Variants in AFF2 observed in about 807,000 individuals in gnomAD.
AFF2 encodes AF4/FMR2 family member 2.
AFF2 carries 14 observed loss-of-function variants against 76.9 expected under a neutral mutation model. The ratio of observed to expected loss-of-function variants is 0.18; its 90% CI spans 0.12 to 0.28. The LOEUF (loss-of-function observed/expected upper bound fraction) is 0.28, where lower values mean the gene tolerates loss of function less well. AFF2 is among the 10% of genes least tolerant of loss of function. The pLI is 1.00. For missense variants in AFF2, 868 were observed against 1,001.1 expected, an observed-to-expected ratio of 0.87 and a Z score of 1.79; for synonymous variants, 398 against 366.7, an observed-to-expected ratio of 1.09 and a Z score of -0.98.
At position 148,842,971 on chromosome X, in the gene AFF2, G is replaced by A. The variant is rs149177157; in HGVS notation, c.1179G>A (p.Ser393=). The change falls in exon 6 of 21, where the codon TCG becomes TCA. Residue 393 remains serine (S), a synonymous_variant. Coordinates refer to ENST00000370460, the MANE Select transcript of AFF2 (RefSeq NM_002025.4). Reference sequence around the variant, plus strand: ...ATATATATTATTCCTTATAGGAATCGCAGCATCTGACCCCAGGATTCACCT... The same window carrying A: ...ATATATATTATTCCTTATAGGAATCACAGCATCTGACCCCAGGATTCACCT... ...QSTFSIPGQE[S]QHLTPGFTLQ... is the part of the protein sequence containing the mutation. The A allele has an allele frequency of 1.5e-5, 18 of 1,199,358 alleles. No individual in the cohort carries two copies. The African/African-American group carries it at 1.9e-4, about 13-fold the overall frequency.
chrX:148,765,432 C>T (rs976816154), intron 3 of AFF2, among the ~76,000 whole-genome samples: 8 of 111,621 alleles, frequency 7.2e-5, no homozygotes, highest in Non-Finnish European at 3.8e-5. Flanking sequence ...CTTGGAACTG[C>T]ATGAGTTTCT....
At chrX:148,723,925 T>TC (rs1434847010) in intron 3 of AFF2, among the ~76,000 whole-genome samples, 27 of 106,029 alleles carry the variant, frequency 2.5e-4, no homozygotes, top group African/African-American at 8.9e-4. Flanking sequence ...TTTTCTTTTT[T>TC]TTTTTTTTTG....
At position 148,614,713 on chromosome X, in the gene AFF2, C is replaced by CTT. The variant is rs1474365917; in HGVS notation, c.48-37284_48-37283dup. Among the ~76,000 whole-genome samples the CTT allele has an allele frequency of 5.1e-3, 190 of 37,460 alleles. 4 individuals carry two copies. Among genetic ancestry groups the CTT allele is most frequent in the African/African-American group, 0.031 (186 of 6,048 alleles). 32.5% of individuals were successfully genotyped at this position (37,460 alleles called of 115,157 possible). A position where few individuals can be genotyped will look rare whatever the true frequency, so the allele number is the denominator to read the frequency against. On this transcript the variant is annotated intron_variant, in intron 1 of 20. Transcript: ENST00000370460. Reference sequence around the variant, plus strand: ...CTTTCTTTTCTTTCTTTCTTTCTTTCTTTCTTTCTTTCTTTCTTTCCTTCT... The same window carrying CTT: ...CTTTCTTTTCTTTCTTTCTTTCTTTCTTTTTCTTTCTTTCTTTCTTTCCTTCT...
chrX:148,826,139 G>T (rs1015436735), intron 4 of AFF2, among the ~76,000 whole-genome samples: 1 of 104,702 alleles, frequency 9.6e-6, no homozygotes, highest in Non-Finnish European at 1.9e-5. Context: ...CCAAAAAGAT[G>T]TTTTAGGCCA....
At chrX:148,683,888 T>TG (rs1557260135) in intron 3 of AFF2, among the ~76,000 whole-genome samples, 1 of 111,838 alleles carries the variant, frequency 8.9e-6, no homozygotes, top group African/African-American at 3.3e-5. Context: ...TTTGGAGGCT[T>TG]GGGGAACTAT....
chrX:148,776,053 C>T (rs142895105), intron 3 of AFF2, among the ~76,000 whole-genome samples: 521 of 110,447 alleles, frequency 4.7e-3, no homozygotes, highest in Non-Finnish European at 7.5e-3. Context: ...TGGCCCCCTC[C>T]CTGTGTCCAT....
At chrX:148,639,974 G>A (rs1284207119) in intron 1 of AFF2, among the ~76,000 whole-genome samples, 1 of 112,293 alleles carries the variant, frequency 8.9e-6, no homozygotes, top group Non-Finnish European at 1.9e-5. Context: ...GAGCTGCTAT[G>A]TCATCAATGA....
chrX:148,900,298 T>G (rs5980604), intron 8 of AFF2, among the ~76,000 whole-genome samples: 1 of 109,594 alleles, frequency 9.1e-6, no homozygotes, highest in African/African-American at 3.3e-5. Flanking sequence ...GATATGGTTT[T>G]TGTAATTCAA....
In AFF2 at chrX:148,500,637, T is replaced by TGCCGCCGCCGCCGCCGCCGCCGCC. The variant is rs193922937; in HGVS notation, c.-437_-414dup. The TGCCGCCGCCGCCGCCGCCGCCGCC allele has an allele frequency of 0.012, 890 of 73,729 alleles. 36 individuals are homozygous for TGCCGCCGCCGCCGCCGCCGCCGCC. The highest frequency in any genetic ancestry group is 0.013 in the Admixed American group (90 of 6,672). 6.1% of individuals were successfully genotyped at this position (73,729 alleles called of 1,213,427 possible). A position where few individuals can be genotyped will look rare whatever the true frequency, so the allele number is the denominator to read the frequency against. ...CCGCCGCCGCCGCCTGTGCAGCCGC[T>TGCCGCCGCCGCCGCCGCCGCCGCC]GCCGCCGCCGCCGCCGCCGCCGCCG... On this transcript the variant is annotated 5_prime_UTR_variant, in exon 1 of 21. Coordinates refer to ENST00000370460, the MANE Select transcript of AFF2 (RefSeq NM_002025.4).
chrX:148,982,371 G>A (rs1476174734), intron 19 of AFF2, among the ~76,000 whole-genome samples: 1 of 112,013 alleles, frequency 8.9e-6, no homozygotes, highest in African/African-American at 3.2e-5. Context: ...GGGACAGAAA[G>A]CTGAATTTGA....
Position 148,649,987 on chromosome X carries a change from G to A in AFF2, c.48-2012G>A, listed in dbSNP as rs183781678. On this transcript the variant is annotated intron_variant, in intron 1 of 20. Transcript: ENST00000370460. ...GGAAAAGACTTTGGTTCTTGTTTGTGTGTAGATACTAATCTGCTATGGAAA... is the reference window on the plus strand; with the variant it reads ...GGAAAAGACTTTGGTTCTTGTTTGTATGTAGATACTAATCTGCTATGGAAA... Among the ~76,000 whole-genome samples, 338 of 111,545 alleles carry A rather than the reference G, an allele frequency of 3.0e-3. 1 individual carries two copies. The highest frequency in any genetic ancestry group is 0.011 in the African/African-American group (327 of 30,668).
chrX:148,783,352 A>AT (rs782499925), intron 3 of AFF2, among the ~76,000 whole-genome samples: 2,425 of 108,243 alleles, frequency 0.022, 66 homozygotes, highest in African/African-American at 0.075. Context: ...GGAAACAACC[A>AT]TTTTTTTTTT....
At chrX:148,743,515 T>G (rs1440583456) in intron 3 of AFF2, among the ~76,000 whole-genome samples, 3 of 111,960 alleles carry the variant, frequency 2.7e-5, no homozygotes, top group African/African-American at 9.7e-5. Flanking sequence ...CATTCGGTAA[T>G]GATATTTAAA....
chrX:148,735,923 C>CA, intron 3 of AFF2, among the ~76,000 whole-genome samples: 1 of 111,917 alleles, frequency 8.9e-6, no homozygotes, highest in Non-Finnish European at 1.9e-5. Flanking sequence ...CAGTCTCATC[C>CA]AGATCAGTGC....
chrX:148,732,440 G>T (rs1193691780), intron 3 of AFF2, among the ~76,000 whole-genome samples: 1 of 64,876 alleles, frequency 1.5e-5, no homozygotes. Flanking sequence ...TGGGGGGAGG[G>T]GGGAGGGGTA....
intron 9 of AFF2, among the ~76,000 whole-genome samples, chrX:148,945,838 A>C (rs1343678496): frequency 8.9e-6 from 1 of 112,418 alleles, no homozygotes; most frequent in Non-Finnish European, 1.9e-5. Flanking sequence ...AAAGCAGATC[A>C]TCTGACTTCC....
chrX:148,863,449 C>T (rs1254609237), intron 7 of AFF2, among the ~76,000 whole-genome samples: 2 of 111,823 alleles, frequency 1.8e-5, no homozygotes, highest in Non-Finnish European at 3.8e-5. Flanking sequence ...TGGTTACCTG[C>T]GCTATGAAGT....
chrX:148,650,763 G>T (rs1336259429), intron 1 of AFF2, among the ~76,000 whole-genome samples: 1 of 111,695 alleles, frequency 9.0e-6, no homozygotes, highest in Non-Finnish European at 1.9e-5. Context: ...TATGTTCTAG[G>T]TTCTTTGAGC....
chrX:148,517,207 A>T (rs1330504034), intron 1 of AFF2, among the ~76,000 whole-genome samples: 1 of 111,970 alleles, frequency 8.9e-6, no homozygotes, highest in Admixed American at 9.4e-5. Context: ...GCCCTAGATC[A>T]TATCTGAAAA....
Sources: allele counts gnomAD v4.1 joint callset (sites outside exome capture counted in the v4.1 genomes callset), GRCh38; gene constraint gnomAD v4.1.1; transcripts MANE v1.5; gene names NCBI Gene and HGNC (gene_info 2026-07-23, HGNC 2026-07-21).